The following SLIT3 variants were observed in gnomAD, a reference collection of about 807,000 sequenced individuals.
SLIT3 encodes slit homolog 3 protein.
SLIT3 carries 68 observed loss-of-function variants against 184.0 expected under a neutral mutation model. The observed-to-expected ratio is 0.37, with a 90% confidence interval of 0.30 to 0.45. The LOEUF (loss-of-function observed/expected upper bound fraction) is 0.45. Ranked by LOEUF, SLIT3 falls within the 20% of genes least tolerant of loss-of-function variation. SLIT3 has a pLI of 1.00. For missense variants in SLIT3, 1,707 were observed against 2,026.0 expected (o/e 0.84, Z 3.02); for synonymous variants, 831 against 828.6 (o/e 1.00, Z -0.05).
In SLIT3 at chr5:169,154,382, C is replaced by T. The variant is rs911576736; in HGVS notation, c.413+39097G>A. Among the ~76,000 whole-genome samples the T allele has an allele frequency of 4.6e-5, 7 of 152,360 alleles. No homozygotes were observed. In the East Asian group the frequency reaches 1.3e-3, roughly 29 times the overall value. On this transcript the variant is annotated intron_variant, in intron 4 of 35. Coordinates refer to ENST00000519560, the MANE Select transcript of SLIT3 (RefSeq NM_003062.4). ...CTGCTGGCTCCTTGGCCATACCCTG[C>T]ACTTCCTGAGTTCTGCCTGCTGCCA...
intron 4 of SLIT3, among the ~76,000 whole-genome samples, chr5:169,033,133 T>C (rs1757100234): frequency 6.6e-6 from 1 of 151,166 alleles, no homozygotes; most frequent in African/African-American, 2.5e-5. Flanking sequence ...ACTGTTTTGT[T>C]CTCTATTTCT....
chr5:168,856,804 T>TGCGCGC (rs1330091597), intron 5 of SLIT3, among the ~76,000 whole-genome samples: 136 of 138,280 alleles, frequency 9.8e-4, no homozygotes, highest in African/African-American at 3.8e-3. Flanking sequence ...TGTGTGTGTG[T>TGCGCGC]GTGCGCGCGC....
At chr5:169,053,735 T>A (rs1287632600) in intron 4 of SLIT3, among the ~76,000 whole-genome samples, 1 of 151,694 alleles carries the variant, frequency 6.6e-6, no homozygotes, top group Non-Finnish European at 1.5e-5. Context: ...AGGTGAATTA[T>A]GTCCCCCCAA....
At chr5:168,747,623 G>A (rs58881754) in intron 20 of SLIT3, among the ~76,000 whole-genome samples, 24,721 of 152,044 alleles carry the variant, frequency 0.16, 2,350 homozygotes, top group Admixed American at 0.3. Flanking sequence ...TTCCTGGGGG[G>A]CAGAAATAGG....
chr5:169,191,487 G>C (rs1763550109), intron 4 of SLIT3, among the ~76,000 whole-genome samples: 1 of 152,136 alleles, frequency 6.6e-6, no homozygotes, highest in Admixed American at 6.6e-5. Flanking sequence ...GGAATTGTAG[G>C]AGTAATAATA....
At chr5:168,754,743 T>G (rs182978953) in intron 16 of SLIT3, among the ~76,000 whole-genome samples, 2 of 152,304 alleles carry the variant, frequency 1.3e-5, no homozygotes, top group East Asian at 3.9e-4. Context: ...CCCATAAATA[T>G]GTATAATTGT....
At chr5:168,866,003 C>A (rs1261907056) in intron 5 of SLIT3, among the ~76,000 whole-genome samples, 31 of 152,180 alleles carry the variant, frequency 2.0e-4, no homozygotes, top group Admixed American at 1.8e-3. Flanking sequence ...CCCATCTACC[C>A]AACTATGGTA....
intron 28 of SLIT3, among the ~76,000 whole-genome samples, 167 bp downstream of exon 28, chr5:168,696,125 G>A (rs528478442): frequency 2.0e-5 from 3 of 152,282 alleles, no homozygotes; most frequent in Admixed American, 1.3e-4. Flanking sequence ...TGGAGGACAC[G>A]GAGAAGCAAA....
chr5:168,965,395 C>T (rs753704694), intron 4 of SLIT3, among the ~76,000 whole-genome samples: 1 of 152,134 alleles, frequency 6.6e-6, no homozygotes, highest in African/African-American at 2.4e-5. Flanking sequence ...AAGGAGCAAA[C>T]GTTCAGGCTT....
intron 4 of SLIT3, among the ~76,000 whole-genome samples, chr5:168,976,577 C>T (rs1459628740): frequency 2.6e-5 from 4 of 152,168 alleles, no homozygotes; most frequent in Non-Finnish European, 5.9e-5. Context: ...AGCAGATTTT[C>T]ATATTTACTG....
intron 32 of SLIT3, among the ~76,000 whole-genome samples, chr5:168,679,659 T>C (rs542789556): frequency 3.9e-4 from 60 of 152,250 alleles, no homozygotes; most frequent in African/African-American, 1.3e-3. Context: ...AGCCTCGCAG[T>C]AACAAAAAGT....
At chr5:169,223,193 G>C (rs1211038752) in intron 3 of SLIT3, among the ~76,000 whole-genome samples, 1 of 152,126 alleles carries the variant, frequency 6.6e-6, no homozygotes, top group Non-Finnish European at 1.5e-5. Flanking sequence ...CCATGTGCCG[G>C]GATGAGAAAT....
intron 4 of SLIT3, among the ~76,000 whole-genome samples, chr5:169,181,189 T>C (rs1763138758): frequency 6.6e-6 from 1 of 152,212 alleles, no homozygotes; most frequent in South Asian, 2.1e-4. Context: ...ATAGTCAATG[T>C]CTTGCACTAA....
intron 20 of SLIT3, among the ~76,000 whole-genome samples, chr5:168,735,917 C>T (rs1020301307): frequency 7.9e-5 from 12 of 152,144 alleles, no homozygotes; most frequent in African/African-American, 2.9e-4. Context: ...GCACACATCA[C>T]CCTCTTTGTC....
intron 20 of SLIT3, among the ~76,000 whole-genome samples, chr5:168,731,939 G>T (rs1364131223): frequency 6.6e-6 from 1 of 152,078 alleles, no homozygotes; most frequent in Non-Finnish European, 1.5e-5. Flanking sequence ...AGTATTGGAA[G>T]TCCTCACCAG....
intron 4 of SLIT3, among the ~76,000 whole-genome samples, chr5:169,184,999 G>A (rs4867734): frequency 0.24 from 35,934 of 151,990 alleles, 5,716 homozygotes; most frequent in African/African-American, 0.44. Context: ...TGGCAAGTCC[G>A]CAGGCTTCTA....
intron 13 of SLIT3, among the ~76,000 whole-genome samples, chr5:168,773,384 T>A (rs752882342): frequency 2.0e-5 from 3 of 152,130 alleles, no homozygotes; most frequent in Non-Finnish European, 4.4e-5. Context: ...GTAGCGGGTA[T>A]TGTTGTAATT....
intron 3 of SLIT3, among the ~76,000 whole-genome samples, chr5:169,214,697 C>T (rs1764380850): frequency 6.6e-6 from 1 of 152,180 alleles, no homozygotes; most frequent in Non-Finnish European, 1.5e-5. Context: ...TGCTGCTCTG[C>T]AATGAATCCA....
chr5:168,960,758 G>A lies in SLIT3; in HGVS notation c.414-77422C>T, dbSNP rs372342214. On this transcript the variant is annotated intron_variant, in intron 4 of 35. Transcript: ENST00000519560. ...AAGGCAGGGCCAGCAACACAAACCC[G>A]AGTTATGATTGGTGAAAGGAAGCTA... Among the ~76,000 whole-genome samples, 7 of 152,328 alleles carry A rather than the reference G, an allele frequency of 4.6e-5. No homozygotes were observed. The East Asian group carries it at 9.6e-4, about 21-fold the overall frequency.
Sources: gnomAD v4.1 joint callset for allele counts (sites outside exome capture counted in the v4.1 genomes callset) on GRCh38, gnomAD v4.1.1 for gene constraint, MANE v1.5 for transcripts, NCBI Gene and HGNC (gene_info 2026-07-23, HGNC 2026-07-21) for gene names.